SLC35F1: variants seen among roughly 807,000 people sequenced by gnomAD.
SLC35F1 encodes solute carrier family 35 member F1.
SLC35F1 carries 14 observed loss-of-function variants against 48.7 expected under a neutral mutation model. That is an observed-to-expected ratio of 0.29 (90% confidence interval 0.19 to 0.45). SLC35F1 has a LOEUF of 0.45. SLC35F1 is among the 20% of genes least tolerant of loss of function. The pLI is 1.00. For synonymous variants in SLC35F1, 190 were observed against 202.2 expected (o/e 0.94, Z 0.51); for missense variants, 404 against 500.0 (o/e 0.81, Z 1.83).
rs571717622 is a variant in SLC35F1 at position 118,264,444 on chromosome 6, CCTTCT to C, written c.478-2545_478-2541del. Among the ~76,000 whole-genome samples, 173 of 152,208 alleles carry C rather than the reference CCTTCT, an allele frequency of 1.1e-3. 1 individual carries two copies. The highest frequency in any genetic ancestry group is 3.8e-3 in the African/African-American group (158 of 41,552). ...AAAATTATGATTATATTCTTCTTTC[CCTTCT>C]CTTCTTTCTAAAAGTTTGCACTTAC... is the stretch of plus-strand genomic sequence containing the variant. On this transcript the variant is annotated intron_variant, in intron 3 of 7. Coordinates refer to ENST00000360388, the MANE Select transcript of SLC35F1 (RefSeq NM_001029858.4).
At chr6:118,045,180 T>C (rs1204318951) in intron 1 of SLC35F1, among the ~76,000 whole-genome samples, 1 of 152,168 alleles carries the variant, frequency 6.6e-6, no homozygotes, top group Non-Finnish European at 1.5e-5. Context: ...GATGTCAGAA[T>C]GGGTAAATTT....
chr6:118,076,813 A>G (rs1772828742), intron 1 of SLC35F1, among the ~76,000 whole-genome samples: 1 of 152,202 alleles, frequency 6.6e-6, no homozygotes, highest in Admixed American at 6.5e-5. Flanking sequence ...TAGCCTTTTT[A>G]GTAGGCAGCA....
intron 1 of SLC35F1, among the ~76,000 whole-genome samples, chr6:118,029,502 T>A (rs1772008713): frequency 6.6e-6 from 1 of 152,202 alleles, no homozygotes; most frequent in South Asian, 2.1e-4. Context: ...AACTTTATCA[T>A]GTTTGTGTCA....
At chr6:118,011,693 C>T (rs1445387627) in intron 1 of SLC35F1, among the ~76,000 whole-genome samples, 1 of 152,192 alleles carries the variant, frequency 6.6e-6, no homozygotes, top group Admixed American at 6.5e-5. Context: ...GTAATGCTCA[C>T]TCACCCACCA....
At chr6:118,153,155 T>C (rs1774087718) in intron 1 of SLC35F1, among the ~76,000 whole-genome samples, 2 of 152,126 alleles carry the variant, frequency 1.3e-5, no homozygotes, top group African/African-American at 4.8e-5. Flanking sequence ...TCCAGAAAAA[T>C]GGACTCACAT....
At chr6:118,008,579 T>G (rs1182644963) in intron 1 of SLC35F1, among the ~76,000 whole-genome samples, 1 of 152,214 alleles carries the variant, frequency 6.6e-6, no homozygotes, top group African/African-American at 2.4e-5. Flanking sequence ...GGCCTGACCT[T>G]ATGGAGCCAT....
chr6:118,082,348 T>C (rs1436256518), intron 1 of SLC35F1, among the ~76,000 whole-genome samples: 5 of 152,210 alleles, frequency 3.3e-5, no homozygotes, highest in South Asian at 2.1e-4. Flanking sequence ...TATTATAAGA[T>C]ACTGATAACT....
intron 1 of SLC35F1, 25 bp downstream of exon 1, chr6:117,907,924 CGCGGGGG>C: frequency 7.7e-7 from 1 of 1,304,342 alleles, no homozygotes; most frequent in East Asian, 3.2e-5. Flanking sequence ...CGGGCGAGGG[CGCGGGGG>C]GCGGGGGCTG....
chr6:118,032,070 T>A (rs1185158538), intron 1 of SLC35F1, among the ~76,000 whole-genome samples: 2 of 152,200 alleles, frequency 1.3e-5, no homozygotes, highest in African/African-American at 4.8e-5. Flanking sequence ...TAGGAGGATG[T>A]GTGTGTATGT....
At chr6:118,281,204 C>CTCTCTCTCTCTA (rs367855949) in intron 6 of SLC35F1, among the ~76,000 whole-genome samples, 5 of 130,486 alleles carry the variant, frequency 3.8e-5, no homozygotes, top group Non-Finnish European at 8.0e-5. Flanking sequence ...CTCTCTCTCT[C>CTCTCTCTCTCTA]TATATATATA....
At position 118,272,174 on chromosome 6, in the gene SLC35F1, A is replaced by G. The variant is rs903055391; in HGVS notation, c.638-3285A>G. 6.6e-5 allele frequency among the ~76,000 whole-genome samples: 10 copies of G among 152,300 alleles called. No individual in the cohort carries two copies. In the East Asian group the frequency reaches 1.7e-3, roughly 26 times the overall value. Reference sequence around the variant, plus strand: ...GGAGACCACACAGAATATACAGCTGAGTGAGCCACAGTCCCTGCCCTTCAA... The same window carrying G: ...GGAGACCACACAGAATATACAGCTGGGTGAGCCACAGTCCCTGCCCTTCAA... On this transcript the variant is annotated intron_variant, in intron 4 of 7. Transcript: ENST00000360388.
chr6:117,915,591 G>A (rs567736078), intron 1 of SLC35F1, among the ~76,000 whole-genome samples: 23 of 152,252 alleles, frequency 1.5e-4, no homozygotes, highest in African/African-American at 4.8e-4. Context: ...TATAGGATGC[G>A]TCAATACAAA....
intron 1 of SLC35F1, among the ~76,000 whole-genome samples, chr6:118,001,662 C>T (rs1020416595): frequency 1.3e-5 from 2 of 152,012 alleles, no homozygotes; most frequent in Non-Finnish European, 2.9e-5. Context: ...AGTGAACAGG[C>T]AACCTACAAA....
intron 1 of SLC35F1, among the ~76,000 whole-genome samples, chr6:117,924,628 C>T (rs1374558652): frequency 5.3e-5 from 8 of 150,596 alleles, no homozygotes; most frequent in Admixed American, 4.6e-4. Flanking sequence ...ACAAATGTAA[C>T]ACCTTGAGGA....
intron 7 of SLC35F1, among the ~76,000 whole-genome samples, chr6:118,304,786 C>G (rs559910817): frequency 7.1e-4 from 107 of 151,674 alleles, no homozygotes; most frequent in African/African-American, 2.5e-3. Flanking sequence ...CCTTAGTTAA[C>G]TGATGAGTGG....
intron 2 of SLC35F1, among the ~76,000 whole-genome samples, chr6:118,217,665 T>C (rs1775093378): frequency 6.6e-6 from 1 of 152,148 alleles, no homozygotes; most frequent in Non-Finnish European, 1.5e-5. Flanking sequence ...ACAATAATCA[T>C]TAAAAAAATT....
chr6:118,308,482 T>C lies in SLC35F1; in HGVS notation c.1003-5546T>C, dbSNP rs141775446. 8.9e-3 allele frequency among the ~76,000 whole-genome samples: 1,351 copies of C among 152,346 alleles called. 6 individuals are homozygous for C. The highest frequency in any genetic ancestry group is 0.013 in the South Asian group (65 of 4,826). On this transcript the variant is annotated intron_variant, in intron 7 of 7. Transcript: ENST00000360388. ...GAAACCCACATTTTCTGGGCTGTGC[T>C]ACATAACCTTGAGAATGGCCAATCA...
At chr6:118,211,886 A>G (rs1775004780) in intron 2 of SLC35F1, among the ~76,000 whole-genome samples, 3 of 152,220 alleles carry the variant, frequency 2.0e-5, no homozygotes, top group South Asian at 4.1e-4. Flanking sequence ...AATAAATTTA[A>G]TACACAGGCA....
chr6:118,008,262 G>A (rs915424053), intron 1 of SLC35F1, among the ~76,000 whole-genome samples: 1 of 111,968 alleles, frequency 8.9e-6, no homozygotes. Flanking sequence ...TAATTTTTAA[G>A]TAGTACACAG....
Sources: gnomAD v4.1 joint callset for allele counts (sites outside exome capture counted in the v4.1 genomes callset) on GRCh38, gnomAD v4.1.1 for gene constraint, MANE v1.5 for transcripts, NCBI Gene and HGNC (gene_info 2026-07-23, HGNC 2026-07-21) for gene names.